The following CDKL3 variants were observed in gnomAD, a reference collection of about 807,000 sequenced individuals.
CDKL3 encodes cyclin dependent kinase like 3, also known as cyclin-dependent kinase-like 3.
In CDKL3, 65 loss-of-function variants were observed where a neutral mutation model predicts 69.3. The observed-to-expected ratio is 0.94, with a 90% CI of 0.77 to 1.15. The LOEUF is 1.15. CDKL3 is among the 50% of genes most tolerant of loss of function. The pLI is 0.00. For synonymous variants in CDKL3, 202 were observed against 221.6 expected, an observed-to-expected ratio of 0.91 and a Z score of 0.79; for missense variants, 652 against 689.2, an observed-to-expected ratio of 0.95 and a Z score of 0.61.
rs529860564 is a variant in CDKL3 at position 134,349,511 on chromosome 5, G to A, written c.539+738C>T. ...ATTATTTGCCAGTCTTCACAAAGAG[G>A]GTACCATTTTTCCAGGAAATGGGAA... is the stretch of plus-strand genomic sequence containing the variant. On this transcript the variant is annotated intron_variant, in intron 4 of 12. Coordinates refer to ENST00000265334, the MANE Select transcript of CDKL3 (RefSeq NM_001113575.2). 7.9e-5 allele frequency among the ~76,000 whole-genome samples: 12 copies of A among 152,172 alleles called. No individual in the cohort carries two copies. The South Asian group carries it at 2.1e-3, about 26-fold the overall frequency.
intron 2 of CDKL3, among the ~76,000 whole-genome samples, chr5:134,365,426 C>CT (rs150939400): frequency 0.014 from 2,152 of 148,462 alleles, 38 homozygotes; most frequent in African/African-American, 0.044. Flanking sequence ...GGCCTCATGT[C>CT]TTTTTTTTTT....
At chr5:134,298,026 C>A (rs147024004), downstream of CDKL3, among the ~76,000 whole-genome samples, 3,190 of 151,612 alleles carry the variant, frequency 0.021, 42 homozygotes, top group Non-Finnish European at 0.033. Flanking sequence ...CTTGGCCTCC[C>A]GGATTCAAGC....
At chr5:134,353,136 C>T (rs1753731608) in intron 3 of CDKL3, among the ~76,000 whole-genome samples, 1 of 152,134 alleles carries the variant, frequency 6.6e-6, no homozygotes, top group African/African-American at 2.4e-5. Context: ...TGTCCATATA[C>T]TACTGATAAT....
intron 8 of CDKL3, among the ~76,000 whole-genome samples, chr5:134,291,330 T>C (rs983982095): frequency 2.0e-5 from 3 of 152,322 alleles, no homozygotes; most frequent in Admixed American, 1.3e-4. Flanking sequence ...ATAAATGGTA[T>C]TCAAGGTTAT....
chr5:134,329,724 C>T (rs551437654), intron 4 of CDKL3, among the ~76,000 whole-genome samples: 2 of 152,200 alleles, frequency 1.3e-5, no homozygotes, highest in African/African-American at 4.8e-5. Flanking sequence ...CCACCTCGGC[C>T]TCCCAAAGTG....
intron 8 of CDKL3, among the ~76,000 whole-genome samples, chr5:134,292,231 G>A (rs902055026): frequency 4.6e-5 from 7 of 152,102 alleles, no homozygotes; most frequent in African/African-American, 9.7e-5. Flanking sequence ...TATTAAACAA[G>A]AATCAATGGA....
chr5:134,364,906 G>C (rs996488315), intron 2 of CDKL3, among the ~76,000 whole-genome samples: 2 of 150,934 alleles, frequency 1.3e-5, no homozygotes, highest in Non-Finnish European at 2.9e-5. Flanking sequence ...TTCTGGGTTT[G>C]AGCGATTGTC....
intron 3 of CDKL3, 106 bp from the exon 4 acceptor site, chr5:134,350,533 T>C: frequency 1.4e-6 from 1 of 737,208 alleles, no homozygotes; most frequent in Non-Finnish European, 2.2e-6. Context: ...AGTAAAGCTA[T>C]TTCCTTACCA....
intron 4 of CDKL3, among the ~76,000 whole-genome samples, chr5:134,328,887 C>G (rs1321091269): frequency 6.6e-6 from 1 of 152,144 alleles, no homozygotes; most frequent in Non-Finnish European, 1.5e-5. Context: ...AACAAAAACG[C>G]CTATATCTAG....
intron 8 of CDKL3, among the ~76,000 whole-genome samples, chr5:134,287,227 T>G (rs1561481494): frequency 6.6e-6 from 1 of 152,192 alleles, no homozygotes; most frequent in Non-Finnish European, 1.5e-5. Context: ...TAAGGATTTT[T>G]TAAAAGTCAC....
rs1764996996 is a variant in CDKL3 at position 134,288,936 on chromosome 5, T to C, written c.*678-2377A>G. 2.6e-5 allele frequency among the ~76,000 whole-genome samples: 4 copies of C among 151,560 alleles called. No homozygotes were observed. The South Asian group carries it at 8.3e-4, about 31-fold the overall frequency. ...CTTTAAATAAAAATGGAATGTTTGTTCAATAAACTTTTTTTTTTTTTAAAG... is the reference window on the plus strand; with the variant it reads ...CTTTAAATAAAAATGGAATGTTTGTCCAATAAACTTTTTTTTTTTTTAAAG... On this transcript the variant is annotated intron_variant and NMD_transcript_variant, in intron 8 of 8. Coordinates refer to the CDKL3 transcript ENST00000519312.
intron 4 of CDKL3, among the ~76,000 whole-genome samples, chr5:134,348,798 T>A (rs1752551715): frequency 6.7e-6 from 1 of 148,976 alleles, no homozygotes; most frequent in Admixed American, 6.7e-5. Context: ...AAAGAAAAAA[T>A]TTTTGAGGAC....
chr5:134,337,154 G>C (rs904969581), intron 4 of CDKL3, among the ~76,000 whole-genome samples: 3 of 152,242 alleles, frequency 2.0e-5, no homozygotes, highest in Non-Finnish European at 4.4e-5. Context: ...GACCTGCTGA[G>C]CCAGGCACGG....
At position 134,308,231 on chromosome 5, in the gene CDKL3, C is replaced by T. The variant is rs1408820090; in HGVS notation, c.1271G>A (p.Cys424Tyr). 1 of 1,613,926 alleles carries T rather than the reference C, an allele frequency of 6.2e-7. No homozygotes were observed. The highest frequency in any genetic ancestry group is 1.1e-5 in the South Asian group (1 of 91,074). ...NCNGLKENPH[C>Y]GGSVTMPPIN... Reference sequence around the variant, plus strand: ...GGGTGGCATTGTCACAGAACCTCCGCAATGTGGATTTTCTTTCAAGCCATT... The same window carrying T: ...GGGTGGCATTGTCACAGAACCTCCGTAATGTGGATTTTCTTTCAAGCCATT... Residue 424 changes from cysteine (C) to tyrosine (Y), a missense_variant, in exon 9 of 13, where the codon TGC (cysteine) becomes TAC (tyrosine). Cys to Tyr is a radical substitution (Grantham distance 194, BLOSUM62 -2). Transcript: ENST00000265334.
At chr5:134,323,593 G>A (rs928755377) in intron 4 of CDKL3, among the ~76,000 whole-genome samples, 3 of 152,074 alleles carry the variant, frequency 2.0e-5, no homozygotes, top group Non-Finnish European at 4.4e-5. Flanking sequence ...TTTTGACAAA[G>A]GAACAGAGGC....
At chr5:134,366,210 T>A in intron 2 of CDKL3, 149 bp downstream of exon 2, 1 of 595,332 alleles carries the variant, frequency 1.7e-6, no homozygotes, top group Non-Finnish European at 2.8e-6. Context: ...TGTATCACTA[T>A]AAAATTACAA....
chr5:134,295,539 C>T (rs914237507), downstream of CDKL3, among the ~76,000 whole-genome samples: 10 of 152,154 alleles, frequency 6.6e-5, no homozygotes, highest in African/African-American at 2.4e-4. Context: ...GGAGCAATTA[C>T]TTTTGCACCA....
chr5:134,368,434 C>T (rs1359707088), upstream of CDKL3, among the ~76,000 whole-genome samples: 1 of 151,932 alleles, frequency 6.6e-6, no homozygotes, highest in Non-Finnish European at 1.5e-5. Context: ...CTGGCTAACA[C>T]GGTGAAACCC....
intron 2 of CDKL3, among the ~76,000 whole-genome samples, chr5:134,364,970 C>T (rs914187412): frequency 4.7e-5 from 7 of 149,452 alleles, no homozygotes; most frequent in Admixed American, 1.3e-4. Context: ...CTATGCCTGG[C>T]TAATTTTTTT....
Sources: gnomAD v4.1 joint callset for allele counts (sites outside exome capture counted in the v4.1 genomes callset) on GRCh38, gnomAD v4.1.1 for gene constraint, MANE v1.5 for transcripts, NCBI Gene and HGNC (gene_info 2026-07-23, HGNC 2026-07-21) for gene names.